FUT9: variants seen among roughly 807,000 people sequenced by gnomAD.
The protein encoded by FUT9 is fucosyltransferase 9, also known as 4-galactosyl-N-acetylglucosaminide 3-alpha-L-fucosyltransferase 9.
In FUT9, 15 loss-of-function variants were observed where a neutral mutation model predicts 29.7. The observed-to-expected ratio is 0.51, with a 90% confidence interval of 0.34 to 0.78. The LOEUF is 0.78. Ranked by LOEUF, FUT9 falls within the 30% of genes least tolerant of loss-of-function variation. The pLI, the probability that FUT9 is intolerant of heterozygous loss-of-function variation, is 0.01. For synonymous variants in FUT9, 169 were observed against 153.7 expected, an observed-to-expected ratio of 1.10 and a Z score of -0.74; for missense variants, 319 against 425.4, an observed-to-expected ratio of 0.75 and a Z score of 2.20.
chr6:96,080,316 T>C (rs1302546074), intron 1 of FUT9, among the ~76,000 whole-genome samples: 1 of 151,984 alleles, frequency 6.6e-6, no homozygotes, highest in Admixed American at 6.5e-5. Flanking sequence ...CTTTAATAAT[T>C]GTCTAGAATC....
At chr6:96,086,334 G>A (rs1052311532) in intron 1 of FUT9, among the ~76,000 whole-genome samples, 6 of 152,098 alleles carry the variant, frequency 3.9e-5, no homozygotes, top group Non-Finnish European at 5.9e-5. Flanking sequence ...CTGATTCAAA[G>A]CTTTGGTTTA....
At position 96,167,884 on chromosome 6, in the gene FUT9, G is replaced by A. The variant is rs1000463755; in HGVS notation, c.-8-35264G>A. ...CATGGAAGCCACTGTGGCCATAAAC[G>A]AGTGGCCAGGGAACTGGGGGAAAAG... On this transcript the variant is annotated intron_variant, in intron 2 of 2. Coordinates refer to ENST00000302103, the MANE Select transcript of FUT9 (RefSeq NM_006581.4). Among the ~76,000 whole-genome samples the A allele has an allele frequency of 7.2e-5, 11 of 152,146 alleles. No individual in the cohort carries two copies. The South Asian group carries it at 8.3e-4, about 11-fold the overall frequency.
intron 1 of FUT9, among the ~76,000 whole-genome samples, chr6:96,026,437 A>T (rs536510083): frequency 6.6e-6 from 1 of 151,812 alleles, no homozygotes; most frequent in African/African-American, 2.4e-5. Context: ...ATTACAGCAT[A>T]GGGCGTGTTA....
chr6:96,158,749 T>G (rs1235613065), intron 2 of FUT9, among the ~76,000 whole-genome samples: 3 of 152,108 alleles, frequency 2.0e-5, no homozygotes, highest in African/African-American at 7.2e-5. Flanking sequence ...CCCATGACTT[T>G]CTTCTATAAA....
intron 1 of FUT9, among the ~76,000 whole-genome samples, chr6:96,100,393 A>G (rs868840739): frequency 6.6e-6 from 1 of 152,182 alleles, no homozygotes; most frequent in Admixed American, 6.5e-5. Context: ...TTCATTCATT[A>G]TAGTACAAGG....
At position 96,203,147 on chromosome 6, in the gene FUT9, G is replaced by T; in HGVS notation, c.-8-1G>T. On this transcript the variant is annotated splice_acceptor_variant, in intron 2 of 2. Transcript: ENST00000302103. LOFTEE classifies it low-confidence loss of function (5UTR_SPLICE). ...CCCTTCTGTCTTTCTCTATTTCGTA[G>T]GAAAAATTATGACATCAACATCCAA... The T allele has an allele frequency of 6.3e-7, 1 of 1,577,452 alleles. No individual in the cohort carries two copies.
chr6:96,092,049 G>A (rs1210640445), intron 1 of FUT9, among the ~76,000 whole-genome samples: 4 of 151,986 alleles, frequency 2.6e-5, no homozygotes, highest in Non-Finnish European at 5.9e-5. Context: ...AACCAATAGT[G>A]CAATTAAAAA....
At chr6:96,198,890 G>C (rs1208097118) in intron 2 of FUT9, among the ~76,000 whole-genome samples, 1 of 151,946 alleles carries the variant, frequency 6.6e-6, no homozygotes, top group African/African-American at 2.4e-5. Flanking sequence ...ATTTTTTCAT[G>C]TGTTTTTTGG....
intron 1 of FUT9, among the ~76,000 whole-genome samples, chr6:96,032,266 C>T (rs1450366642): frequency 2.6e-5 from 4 of 151,512 alleles, no homozygotes; most frequent in Non-Finnish European, 4.4e-5. Context: ...TTAATGGCTG[C>T]TAGGAAGCTC....
intron 1 of FUT9, among the ~76,000 whole-genome samples, chr6:96,087,295 C>A (rs1312063312): frequency 6.6e-6 from 1 of 151,704 alleles, no homozygotes; most frequent in Non-Finnish European, 1.5e-5. Context: ...AGTCTACCTC[C>A]AAGTAACATA....
At chr6:96,119,824 C>T (rs1771987366) in intron 2 of FUT9, among the ~76,000 whole-genome samples, 1 of 152,112 alleles carries the variant, frequency 6.6e-6, no homozygotes, top group Non-Finnish European at 1.5e-5. Context: ...TTTCCAATCA[C>T]AATGATGACT....
chr6:96,152,083 G>A (rs188353048), intron 2 of FUT9, among the ~76,000 whole-genome samples: 41 of 152,252 alleles, frequency 2.7e-4, no homozygotes, highest in African/African-American at 8.2e-4. Flanking sequence ...TTTTTACATA[G>A]GGAGAGATCA....
At chr6:96,060,426 CATT>C (rs530041427) in intron 1 of FUT9, among the ~76,000 whole-genome samples, 54 of 152,228 alleles carry the variant, frequency 3.5e-4, no homozygotes, top group African/African-American at 1.3e-3. Context: ...CTTCCAACAT[CATT>C]GACATAATAC....
At chr6:96,167,688 T>G (rs1358993253) in intron 2 of FUT9, among the ~76,000 whole-genome samples, 1 of 152,066 alleles carries the variant, frequency 6.6e-6, no homozygotes, top group Non-Finnish European at 1.5e-5. Context: ...AAGAGTAGAG[T>G]AAGGAATTCA....
At chr6:96,053,950 AAAAT>A (rs554000659) in intron 1 of FUT9, among the ~76,000 whole-genome samples, 142 of 151,872 alleles carry the variant, frequency 9.3e-4, no homozygotes, top group African/African-American at 2.2e-3. Flanking sequence ...TATGAGATAT[AAAAT>A]AAATAAATCA....
At chr6:96,152,903 A>C (rs1187683624) in intron 2 of FUT9, among the ~76,000 whole-genome samples, 2 of 152,202 alleles carry the variant, frequency 1.3e-5, no homozygotes, top group Non-Finnish European at 2.9e-5. Flanking sequence ...TTGCATTCCC[A>C]CGAACACGGT....
chr6:96,018,058 A>C (rs1770008781), intron 1 of FUT9, among the ~76,000 whole-genome samples: 1 of 152,208 alleles, frequency 6.6e-6, no homozygotes, highest in South Asian at 2.1e-4. Flanking sequence ...GGTGGTTTTA[A>C]GTAAATGTGG....
chr6:96,112,670 G>T (rs940753301), intron 1 of FUT9, among the ~76,000 whole-genome samples: 1 of 152,168 alleles, frequency 6.6e-6, no homozygotes, highest in Non-Finnish European at 1.5e-5. Context: ...GTGCGCAAGC[G>T]TGTGTGCATG....
chr6:96,193,035 T>C (rs1419295819), intron 2 of FUT9, among the ~76,000 whole-genome samples: 1 of 151,342 alleles, frequency 6.6e-6, no homozygotes, highest in Non-Finnish European at 1.5e-5. Flanking sequence ...TTCCTTACAC[T>C]TTATACAAAA....
Sources: allele counts gnomAD v4.1 joint callset (sites outside exome capture counted in the v4.1 genomes callset), GRCh38; gene constraint gnomAD v4.1.1; transcripts MANE v1.5; gene names NCBI Gene and HGNC (gene_info 2026-07-23, HGNC 2026-07-21).